Variants in FAM216A observed in about 807,000 individuals in gnomAD.
The protein encoded by FAM216A is protein FAM216A.
In FAM216A, 26 loss-of-function variants were observed where a neutral mutation model predicts 37.6. The ratio of observed to expected loss-of-function variants is 0.69; its 90% CI spans 0.51 to 0.96. The LOEUF (loss-of-function observed/expected upper bound fraction) is 0.96. Among genes scored for constraint, FAM216A ranks in the 40% least tolerant of loss-of-function variants. The pLI, the probability that FAM216A is intolerant of heterozygous loss-of-function variation, is 0.00. For missense variants in FAM216A, 326 were observed against 339.3 expected, an observed-to-expected ratio of 0.96 and a Z score of 0.31; for synonymous variants, 110 against 121.7, an observed-to-expected ratio of 0.90 and a Z score of 0.64.
intron 2 of FAM216A, among the ~76,000 whole-genome samples, chr12:110,482,374 G>C (rs888890280): frequency 2.0e-5 from 3 of 151,606 alleles, no homozygotes; most frequent in Non-Finnish European, 2.9e-5. Context: ...CACCACACCC[G>C]GACGCAAACT....
At chr12:110,477,719 T>C (rs771936662) in intron 2 of FAM216A, among the ~76,000 whole-genome samples, 41 of 151,274 alleles carry the variant, frequency 2.7e-4, no homozygotes, top group Non-Finnish European at 4.3e-4. Flanking sequence ...GCTTTTTCTT[T>C]TTTTTTGAGA....
intron 1 of FAM216A, among the ~76,000 whole-genome samples, chr12:110,471,129 C>G (rs2062684955): frequency 6.6e-6 from 1 of 151,992 alleles, no homozygotes; most frequent in Admixed American, 6.6e-5. Context: ...GAGTCTCGCT[C>G]TGTCACCCAG....
At chr12:110,484,937 T>C (rs34734286) in intron 2 of FAM216A, 141 bp from the exon 3 acceptor site, 34,083 of 665,070 alleles carry the variant, frequency 0.051, 1,126 homozygotes, top group Middle Eastern at 0.088. Context: ...CCTGACCTCG[T>C]GATCCACCCA....
intron 2 of FAM216A, among the ~76,000 whole-genome samples, chr12:110,475,806 G>C (rs1426138228): frequency 6.6e-6 from 1 of 151,164 alleles, no homozygotes; most frequent in Non-Finnish European, 1.5e-5. Flanking sequence ...GGATACAATC[G>C]GCTCACTGCA....
chr12:110,486,508 C>G, intron 4 of FAM216A, 26 bp from the exon 5 acceptor site: 1 of 1,608,968 alleles, frequency 6.2e-7, no homozygotes, highest in South Asian at 1.1e-5. Flanking sequence ...GTGAGAGGGT[C>G]TTTTAACAGG....
intron 2 of FAM216A, among the ~76,000 whole-genome samples, chr12:110,475,704 T>TG (rs1279126875): frequency 7.0e-6 from 1 of 142,644 alleles, no homozygotes; most frequent in Non-Finnish European, 1.5e-5. Context: ...CCCAAGTAAC[T>TG]GGGACTTCAC....
Position 110,486,655 on chromosome 12 carries a change from T to G in FAM216A, c.558T>G (p.Ala186=). Residue 186 remains alanine, a synonymous_variant, in exon 5 of 7, where the codon GCT becomes GCG. Transcript: ENST00000377673. Reference sequence around the variant, plus strand: ...ACTCGGGGTCTTCTGATATCGCAGCTGCATCTGCACCTGAAATGCTCATAC... The same window carrying G: ...ACTCGGGGTCTTCTGATATCGCAGCGGCATCTGCACCTGAAATGCTCATAC... The part of the protein sequence containing the change: ...REDSGSSDIA[A]ASAPEMLIQH... 1 of 1,614,186 alleles carries G rather than the reference T, an allele frequency of 6.2e-7. No individual in the cohort carries two copies. The highest frequency in any genetic ancestry group is 8.5e-7 in the Non-Finnish European group (1 of 1,180,016).
At chr12:110,468,444 C>G, upstream of FAM216A, 2 of 1,535,128 alleles carry the variant, frequency 1.3e-6, no homozygotes, top group Non-Finnish European at 1.7e-6. Flanking sequence ...GGAAATCGGC[C>G]GTTGGGATGC....
rs755362618 is a variant in FAM216A, at chr12:110,487,673, A to G, written c.621-188A>G. Reference sequence around the variant, plus strand: ...AGGGAGAGGAAAAAGATTAAGCAGCATGAGTATTGAAATTGCACTGCAGCA... The same window carrying G: ...AGGGAGAGGAAAAAGATTAAGCAGCGTGAGTATTGAAATTGCACTGCAGCA... On this transcript the variant is annotated intron_variant, in intron 5 of 6. Transcript: ENST00000377673. 28 of 581,136 alleles carry G rather than the reference A, an allele frequency of 4.8e-5. No homozygotes were observed. In the South Asian group the frequency reaches 5.1e-4, roughly 11 times the overall value. The allele number at this position is 581,136 out of a possible 1,614,324, so 36.0% of individuals were successfully genotyped here.
intron 2 of FAM216A, among the ~76,000 whole-genome samples, chr12:110,479,816 G>A (rs1347000338): frequency 6.6e-6 from 1 of 150,462 alleles, no homozygotes; most frequent in Non-Finnish European, 1.5e-5. Flanking sequence ...CCAGCCTGGC[G>A]ACAGAGCAAG....
chr12:110,469,905 CA>C (rs2062672755), intron 1 of FAM216A, among the ~76,000 whole-genome samples: 2 of 152,062 alleles, frequency 1.3e-5, no homozygotes, highest in Non-Finnish European at 2.9e-5. Flanking sequence ...CCTTTTTTCA[CA>C]AATCTATTTC....
chr12:110,468,970 C>T lies in FAM216A; in HGVS notation c.95C>T (p.Ser32Phe). The change falls in exon 1 of 7, where the codon TCT (serine) becomes TTT (phenylalanine). Residue 32 changes from serine (S) to phenylalanine (F), a missense_variant. Transcript: ENST00000377673. The stretch of plus-strand genomic sequence containing the variant: ...GGGTCCGACTGGACGGAGCGTAGCT[C>T]TTCTGCAGAGCCGCCCGCTGTGGCC... ...GPGSDWTERS[S>F]SAEPPAVAGT... 6.6e-7 allele frequency: 1 copy of T among 1,516,816 alleles called. No individual in the cohort carries two copies. Among genetic ancestry groups the T allele is most frequent in the Non-Finnish European group, 8.8e-7 (1 of 1,134,684 alleles). The allele number at this position is 1,516,816 out of a possible 1,614,324, so 94.0% of individuals were successfully genotyped here. A position where few individuals can be genotyped will look rare whatever the true frequency, so the allele number is the denominator to read the frequency against.
chr12:110,486,602 A>G lies in FAM216A; in HGVS notation c.505A>G (p.Thr169Ala). The G allele has an allele frequency of 6.2e-7, 1 of 1,614,154 alleles. No individual in the cohort carries two copies. Among genetic ancestry groups the G allele is most frequent in the East Asian group, 2.2e-5 (1 of 44,892 alleles). The change falls in exon 5 of 7, where the codon ACA becomes GCA. Residue 169 changes from threonine to alanine, a missense_variant. Thr to Ala is a moderately conservative substitution (Grantham distance 58, BLOSUM62 0). Transcript: ENST00000377673. The part of the protein sequence containing the change: ...YSQKQHYPCT[T>A]WRHQLEREDS... ...ACAGAAACAGCATTACCCTTGCACTACATGGCGACATCAACTGGAGAGAGA... is the reference window on the plus strand; with the variant it reads ...ACAGAAACAGCATTACCCTTGCACTGCATGGCGACATCAACTGGAGAGAGA...
Position 110,474,600 on chromosome 12 carries a change from G to T in FAM216A, c.184+1482G>T, listed in dbSNP as rs530794717. Among the ~76,000 whole-genome samples, 5 of 148,620 alleles carry T rather than the reference G, an allele frequency of 3.4e-5. No individual in the cohort carries two copies. In the East Asian group the frequency reaches 9.9e-4, roughly 29 times the overall value. ...CCAGCTACTCGGAAGGCTGAGGCAGGAGAATCACTTCAACTCAGGAGGCGG... is the reference window on the plus strand; with the variant it reads ...CCAGCTACTCGGAAGGCTGAGGCAGTAGAATCACTTCAACTCAGGAGGCGG... On this transcript the variant is annotated intron_variant, in intron 2 of 6. Transcript: ENST00000377673.
chr12:110,470,421 T>C (rs1166385512), intron 1 of FAM216A, among the ~76,000 whole-genome samples: 1 of 152,040 alleles, frequency 6.6e-6, no homozygotes, highest in Non-Finnish European at 1.5e-5. Context: ...TTCTTTTCTG[T>C]TCTTCACAGT....
At chr12:110,486,909 C>T (rs1459732343) in intron 5 of FAM216A, 192 bp downstream of exon 5, 2 of 548,296 alleles carry the variant, frequency 3.6e-6, no homozygotes, top group East Asian at 6.1e-5. Flanking sequence ...GCACAAACCA[C>T]CATGCCCTGC....
chr12:110,480,565 C>T (rs1172768975), intron 2 of FAM216A, among the ~76,000 whole-genome samples: 6 of 152,096 alleles, frequency 3.9e-5, no homozygotes, highest in Non-Finnish European at 7.4e-5. Flanking sequence ...ATCTGCCCGC[C>T]TCAGCCTCCC....
chr12:110,479,887 A>G (rs150513834), intron 2 of FAM216A, among the ~76,000 whole-genome samples: 2,550 of 152,026 alleles, frequency 0.017, 47 homozygotes, highest in Admixed American at 0.045. Flanking sequence ...AAAGCCTAGT[A>G]GTTAATTAGA....
At chr12:110,468,620 CTTGTTTTGGGGAGCATG>C (rs1263055915), upstream of FAM216A, 1 of 1,537,146 alleles carries the variant, frequency 6.5e-7, no homozygotes, top group Non-Finnish European at 8.7e-7. Context: ...GAAGGCACCT[CTTGTTTTGGGGAGCATG>C]TATATTTCCC....
Sources: gnomAD v4.1 joint callset for allele counts (sites outside exome capture counted in the v4.1 genomes callset) on GRCh38, gnomAD v4.1.1 for gene constraint, MANE v1.5 for transcripts, NCBI Gene and HGNC (gene_info 2026-07-23, HGNC 2026-07-21) for gene names.